The following ZNF217 variants were observed in gnomAD, a reference collection of about 807,000 sequenced individuals.
The protein encoded by ZNF217 is zinc finger protein 217.
ZNF217 carries 12 observed loss-of-function variants against 73.3 expected under a neutral mutation model. That is an observed-to-expected ratio of 0.16 (90% CI 0.10 to 0.27). ZNF217 has a LOEUF of 0.27. Among genes scored for constraint, ZNF217 ranks in the 10% least tolerant of loss-of-function variants. The pLI is 1.00. For missense variants in ZNF217, 1,195 were observed against 1,327.8 expected (o/e 0.90, Z 1.55); for synonymous variants, 588 against 516.4 (o/e 1.14, Z -1.88).
rs768846181 is a variant in ZNF217, at chr20:53,582,843, G to A, written c.-17C>T. On this transcript the variant is annotated 5_prime_UTR_variant, in exon 2 of 6. In the 5' UTR this introduces an upstream ATG that the reference lacks. Coordinates refer to ENST00000371471, the MANE Select transcript of ZNF217 (RefSeq NM_006526.3). The surrounding 1 kb of genome is among the most constrained non-coding windows in gnomAD (Gnocchi z 4.8). ...CGATTGCATATAATCTCAAAGTTCC[G>A]TTGGGCAATTTCTGGAGTTGGAATA... 106 of 1,572,782 alleles carry A rather than the reference G, an allele frequency of 6.7e-5. No homozygotes were observed. In the Admixed American group the frequency reaches 1.1e-3, roughly 16 times the overall value.
At position 53,575,761 on chromosome 20, in the gene ZNF217, A is replaced by C; in HGVS notation, c.3003T>G (p.Pro1001=). ...GGSGPLYTCV[P]AGSPASSSTL... Reference sequence around the variant, plus strand: ...TCGAGCTGGATGCTGGACTACCAGCAGGCACACAAGTGTAAAGTGGCCCGG... The same window carrying C: ...TCGAGCTGGATGCTGGACTACCAGCCGGCACACAAGTGTAAAGTGGCCCGG... Residue 1001 remains proline (P), a synonymous_variant, in exon 4 of 6, where the codon CCT becomes CCG. Coordinates refer to ENST00000371471, the MANE Select transcript of ZNF217 (RefSeq NM_006526.3). The C allele has an allele frequency of 1.3e-6, 2 of 1,598,424 alleles. No homozygotes were observed. The highest frequency in any genetic ancestry group is 1.7e-6 in the Non-Finnish European group (2 of 1,172,150).
chr20:53,582,421 T>C lies in ZNF217; in HGVS notation c.406A>G (p.Thr136Ala). The change falls in exon 2 of 6, where the codon ACA becomes GCA. Residue 136 changes from threonine (T) to alanine (A), a missense_variant. By Grantham distance (58) the Thr-to-Ala change is moderately conservative. Coordinates refer to ENST00000371471, the MANE Select transcript of ZNF217 (RefSeq NM_006526.3). This position sits in a 1 kb window ranked among gnomAD's most constrained non-coding sequence, Gnocchi z 4.8. ...NEFSCEVCGQ[T>A]FRVAFDVEIH... ...TCAACATCAAAAGCGACTCTAAATG[T>C]CTGCCCACATACCTCACAGCTAAAT... The C allele has an allele frequency of 6.2e-7, 1 of 1,614,218 alleles. No individual in the cohort carries two copies. The highest frequency in any genetic ancestry group is 1.7e-5 in the Admixed American group (1 of 60,032).
At chr20:53,580,372 C>G (rs1016616216) in intron 2 of ZNF217, among the ~76,000 whole-genome samples, 1 of 152,244 alleles carries the variant, frequency 6.6e-6, no homozygotes, top group African/African-American at 2.4e-5. Flanking sequence ...CCGAGGACCA[C>G]TTTGACAGAT....
In ZNF217 at chr20:53,575,672, T is replaced by G. The variant is rs927388727; in HGVS notation, c.3037+55A>C. 5.5e-6 allele frequency: 8 copies of G among 1,467,014 alleles called. No individual in the cohort carries two copies. In the Admixed American group the frequency reaches 9.3e-5, roughly 17 times the overall value. 90.9% of individuals were successfully genotyped at this position (1,467,014 alleles called of 1,614,324 possible). On this transcript the variant is annotated intron_variant, in intron 4 of 5. Transcript: ENST00000371471. ...ACCATCTCCACTGAGAATGCCTGGA[T>G]TAGCTATTAATCACTGTAGGCAGCC...
upstream of ZNF217, among the ~76,000 whole-genome samples, chr20:53,594,490 G>T (rs538063658): frequency 1.1e-4 from 16 of 151,226 alleles, no homozygotes; most frequent in East Asian, 7.8e-4. Flanking sequence ...GCGAGCGCGC[G>T]CACTCCCAGT....
intron 5 of ZNF217, chr20:53,570,297 G>C (rs1450111421): frequency 6.5e-6 from 1 of 152,716 alleles, no homozygotes; most frequent in Non-Finnish European, 1.5e-5. Context: ...AACCACACAA[G>C]GCTCACGCTG....
Position 53,568,991 on chromosome 20 carries a change from T to A in ZNF217, c.*297A>T. 1.6e-6 allele frequency: 1 copy of A among 632,804 alleles called. No individual in the cohort carries two copies. The highest frequency in any genetic ancestry group is 2.0e-6 in the Non-Finnish European group (1 of 494,814). 39.2% of individuals were successfully genotyped at this position (632,804 alleles called of 1,614,324 possible). A position where few individuals can be genotyped will look rare whatever the true frequency, so the allele number is the denominator to read the frequency against. ...AGTATGCAAAAATTCCACTTCTTATTTGGTCAATTCTAAGAAAAATATTAT... is the reference window on the plus strand; with the variant it reads ...AGTATGCAAAAATTCCACTTCTTATATGGTCAATTCTAAGAAAAATATTAT... On this transcript the variant is annotated 3_prime_UTR_variant, in exon 6 of 6. Transcript: ENST00000371471.
At chr20:53,588,273 C>A (rs1409799761) in intron 1 of ZNF217, among the ~76,000 whole-genome samples, 2 of 151,962 alleles carry the variant, frequency 1.3e-5, no homozygotes, top group African/African-American at 4.8e-5. Flanking sequence ...GTATAACATA[C>A]TAGTTTTAGT....
chr20:53,574,626 C>T (rs915541413), intron 4 of ZNF217: 1 of 152,030 alleles, frequency 6.6e-6, no homozygotes, highest in Non-Finnish European at 1.5e-5. Context: ...GAAACCCTGT[C>T]TCTACTAAAA....
chr20:53,597,109 A>AAAAAAAC (rs1568696450), upstream of ZNF217, among the ~76,000 whole-genome samples: 4 of 138,732 alleles, frequency 2.9e-5, no homozygotes, highest in East Asian at 2.1e-4. Flanking sequence ...AAAAAAAAAA[A>AAAAAAAC]AAAACTTCTG....
At position 53,586,559 on chromosome 20, in the gene ZNF217, C is replaced by T. The variant is rs191017027; in HGVS notation, c.-342-3391G>A. Among the ~76,000 whole-genome samples the T allele has an allele frequency of 3.9e-5, 6 of 152,270 alleles. No homozygotes were observed. The East Asian group carries it at 1.2e-3, about 29-fold the overall frequency. ...TAGGGCTATCTCTGACAGCAAATGCCTTCAGCTCTTGACTTAGAAACTGCT... is the reference window on the plus strand; with the variant it reads ...TAGGGCTATCTCTGACAGCAAATGCTTTCAGCTCTTGACTTAGAAACTGCT... On this transcript the variant is annotated intron_variant, in intron 1 of 5. Coordinates refer to ENST00000371471, the MANE Select transcript of ZNF217 (RefSeq NM_006526.3).
At chr20:53,593,244 A>T (rs1199416817) in intron 1 of ZNF217, among the ~76,000 whole-genome samples, 1 of 151,444 alleles carries the variant, frequency 6.6e-6, no homozygotes, top group Non-Finnish European at 1.5e-5. Context: ...CGTCCCGGCC[A>T]TTGTTTACGG....
chr20:53,576,642 G>A lies in ZNF217; in HGVS notation c.2122C>T (p.Pro708Ser), dbSNP rs1453666733. 2.5e-6 allele frequency: 4 copies of A among 1,614,210 alleles called. No individual in the cohort carries two copies. In the South Asian group the frequency reaches 4.4e-5, roughly 18 times the overall value. ...PAISLSKSLIPSITCPFCTFK... is the reference protein window; with the variant it reads ...PAISLSKSLISSITCPFCTFK... Reference sequence around the variant, plus strand: ...GTACAAAATGGACAGGTGATACTTGGAATCAAACTTTTACTCAAAGAAATT... The same window carrying A: ...GTACAAAATGGACAGGTGATACTTGAAATCAAACTTTTACTCAAAGAAATT... Residue 708 changes from proline (P) to serine (S), a missense_variant, in exon 4 of 6, where the codon CCA becomes TCA. Physicochemically the swap from Pro to Ser is moderately conservative, Grantham distance 74. This residue lies in a region of ZNF217 where 649 missense variants were observed against 642.8 expected (regional missense o/e 1.01). Coordinates refer to ENST00000371471, the MANE Select transcript of ZNF217 (RefSeq NM_006526.3).
At position 53,582,870 on chromosome 20, in the gene ZNF217, G is replaced by A. The variant is rs766299880; in HGVS notation, c.-44C>T. On this transcript the variant is annotated 5_prime_UTR_variant, in exon 2 of 6. Coordinates refer to ENST00000371471, the MANE Select transcript of ZNF217 (RefSeq NM_006526.3). The surrounding 1 kb of genome is among the most constrained non-coding windows in gnomAD (Gnocchi z 4.8). ...TGGGCAATTTCTGGAGTTGGAATAA[G>A]GCCACTTGTAAGACTTGTCACTCAC... The A allele has an allele frequency of 3.9e-6, 6 of 1,555,336 alleles. No homozygotes were observed. Among genetic ancestry groups the A allele is most frequent in the Non-Finnish European group, 5.2e-6 (6 of 1,150,072 alleles).
chr20:53,585,095 G>GAAAAAAAAAAAAAAAAAAAAAAAATAA (rs748460021), intron 1 of ZNF217, among the ~76,000 whole-genome samples: 1 of 46,960 alleles, frequency 2.1e-5, no homozygotes. Flanking sequence ...GTGAGAATTT[G>GAAAAAAAAAAAAAAAAAAAAAAAATAA]AAAAAAAAAA....
chr20:53,574,794 CAAAA>C (rs71194500), intron 4 of ZNF217: 23 of 105,436 alleles, frequency 2.2e-4, no homozygotes, highest in Admixed American at 1.5e-3. Context: ...AACTCCGTCT[CAAAA>C]AAAAAAAAAA....
At position 53,577,246 on chromosome 20, in the gene ZNF217, A is replaced by G. The variant is rs570879994; in HGVS notation, c.1518T>C (p.Tyr506=). The G allele has an allele frequency of 1.9e-6, 3 of 1,603,728 alleles. No individual in the cohort carries two copies. The highest frequency in any genetic ancestry group is 2.7e-5 in the African/African-American group (2 of 74,988). The change falls in exon 4 of 6, where the codon TAT becomes TAC. Residue 506 remains tyrosine, a synonymous_variant. Coordinates refer to ENST00000371471, the MANE Select transcript of ZNF217 (RefSeq NM_006526.3). The part of the protein sequence containing the change: ...EKPYKCEFCE[Y]AAAQKTSLRY... ...TCAGAGATGTCTTCTGGGCTGCAGC[A>G]TATTCACAAAATTCACATTTGTATG...
chr20:53,578,491 G>T, intron 2 of ZNF217, 41 bp from the exon 3 acceptor site: 1 of 1,262,084 alleles, frequency 7.9e-7, no homozygotes, highest in Non-Finnish European at 1.1e-6. Context: ...GAAGGTAGCT[G>T]AAGTACCTGA....
chr20:53,592,678 C>T (rs1326719020), intron 1 of ZNF217, among the ~76,000 whole-genome samples: 1 of 151,904 alleles, frequency 6.6e-6, no homozygotes, highest in Admixed American at 6.6e-5. Flanking sequence ...CGGGACCGCC[C>T]AGGCAGCCCC....
Sources: allele counts gnomAD v4.1 joint callset (sites outside exome capture counted in the v4.1 genomes callset), GRCh38; gene constraint gnomAD v4.1.1; regional missense constraint gnomAD v4.1.1; non-coding constraint Gnocchi (gnomAD v3.1); transcripts MANE v1.5; gene names NCBI Gene and HGNC (gene_info 2026-07-23, HGNC 2026-07-21).